Variants in NR2C1 observed in about 807,000 individuals in gnomAD.
NR2C1 encodes the protein nuclear receptor subfamily 2 group C member 1, also known as TR2 nuclear hormone receptor.
In NR2C1, 33 loss-of-function variants were observed where a neutral mutation model predicts 74.8. That is an observed-to-expected ratio of 0.44 (90% CI 0.33 to 0.59). The LOEUF (loss-of-function observed/expected upper bound fraction) is 0.59, where lower values mean the gene tolerates loss of function less well. Among genes scored for constraint, NR2C1 ranks in the 20% least tolerant of loss-of-function variants. NR2C1 has a pLI of 0.02. For synonymous variants in NR2C1, 225 were observed against 240.6 expected (o/e 0.94, Z 0.60); for missense variants, 568 against 715.6 (o/e 0.79, Z 2.35).
In NR2C1 at chr12:95,020,780, T is replaced by C. The variant is rs1372194278; in HGVS notation, c.*1449A>G. 2 of 152,352 alleles carry C rather than the reference T, an allele frequency of 1.3e-5. No homozygotes were observed. Among genetic ancestry groups the C allele is most frequent in the East Asian group, 3.9e-4 (2 of 5,194 alleles). 9.4% of individuals were successfully genotyped at this position (152,352 alleles called of 1,614,324 possible). A position where few individuals can be genotyped will look rare whatever the true frequency, so the allele number is the denominator to read the frequency against. On this transcript the variant is annotated 3_prime_UTR_variant, in exon 14 of 14. Coordinates refer to ENST00000333003, the MANE Select transcript of NR2C1 (RefSeq NM_003297.4). ...AAAGAAACAGTTATCAGTATCAGGTTTGCTAAAAGAATAAATTACTGTGGA... is the reference window on the plus strand; with the variant it reads ...AAAGAAACAGTTATCAGTATCAGGTCTGCTAAAAGAATAAATTACTGTGGA...
At chr12:95,065,098 G>A (rs1204129841) in intron 2 of NR2C1, among the ~76,000 whole-genome samples, 1 of 152,210 alleles carries the variant, frequency 6.6e-6, no homozygotes, top group African/African-American at 2.4e-5. Flanking sequence ...AATCCAAAGA[G>A]CCTTCAATAG....
intron 5 of NR2C1, 175 bp from the exon 6 acceptor site, chr12:95,058,053 T>C (rs1271875799): frequency 1.5e-5 from 11 of 715,508 alleles, no homozygotes; most frequent in Non-Finnish European, 2.4e-5. Flanking sequence ...TGCTTTAGAT[T>C]AGTAAAACAA....
chr12:95,063,302 G>C (rs985579790), intron 2 of NR2C1, among the ~76,000 whole-genome samples: 2 of 152,148 alleles, frequency 1.3e-5, no homozygotes, highest in African/African-American at 4.8e-5. Context: ...AGAGGAAACA[G>C]AGCATATAAG....
intron 1 of NR2C1, among the ~76,000 whole-genome samples, chr12:95,070,380 C>G (rs1876419728): frequency 6.6e-6 from 1 of 152,146 alleles, no homozygotes; most frequent in Non-Finnish European, 1.5e-5. Context: ...GATCCGCCCA[C>G]CTCAGCCTCA....
intron 10 of NR2C1, among the ~76,000 whole-genome samples, chr12:95,037,323 T>C (rs1379391347): frequency 6.6e-6 from 1 of 152,176 alleles, no homozygotes; most frequent in Non-Finnish European, 1.5e-5. Flanking sequence ...AAACTACAAA[T>C]CTTAAAACAG....
rs547565599 is a variant in NR2C1, at chr12:95,030,294, A to G, written c.1393+1055T>C. 119 of 368,094 alleles carry G rather than the reference A, an allele frequency of 3.2e-4. 1 individual carries two copies. The highest frequency in any genetic ancestry group is 1.4e-3 in the Admixed American group (30 of 21,138). The allele number at this position is 368,094 out of a possible 1,614,324, so 22.8% of individuals were successfully genotyped here. On this transcript the variant is annotated intron_variant, in intron 11 of 13. Transcript: ENST00000333003. ...TGGTAATAGGATTTTATTTAAGCTT[A>G]TATTGGTTGGGAAAAAATGAGCAAA...
At position 95,062,333 on chromosome 12, in the gene NR2C1, G is replaced by C. The variant is rs554906863; in HGVS notation, c.285+175C>G. Reference sequence around the variant, plus strand: ...AATCCCCAAAATATATGAGTGTGAGGAAAGTACAGTGGCCCATAGGAGAGG... The same window carrying C: ...AATCCCCAAAATATATGAGTGTGAGCAAAGTACAGTGGCCCATAGGAGAGG... On this transcript the variant is annotated intron_variant, in intron 3 of 13. Transcript: ENST00000333003. Among the ~76,000 whole-genome samples the C allele has an allele frequency of 6.8e-4, 103 of 152,292 alleles. 1 individual carries two copies. Among genetic ancestry groups the C allele is most frequent in the African/African-American group, 2.4e-3 (100 of 41,562 alleles).
chr12:95,030,118 T>G (rs536880613), intron 11 of NR2C1, among the ~76,000 whole-genome samples: 4 of 152,066 alleles, frequency 2.6e-5, no homozygotes, highest in Non-Finnish European at 5.9e-5. Flanking sequence ...TCAAGCAGTC[T>G]CACCTCAGCC....
intron 3 of NR2C1, among the ~76,000 whole-genome samples, chr12:95,060,420 G>A (rs541698902): frequency 6.6e-6 from 1 of 152,342 alleles, no homozygotes; most frequent in South Asian, 2.1e-4. Flanking sequence ...TTGGGAGGCT[G>A]AGGCGGGCAG....
chr12:95,060,049 T>C (rs916337590), intron 3 of NR2C1, 65 bp from the exon 4 acceptor site: 14 of 1,253,958 alleles, frequency 1.1e-5, no homozygotes, highest in African/African-American at 1.5e-5. Flanking sequence ...ACAGCACTCA[T>C]TCTATTAAAA....
intron 2 of NR2C1, among the ~76,000 whole-genome samples, chr12:95,064,219 T>C (rs1402701639): frequency 2.0e-5 from 3 of 147,180 alleles, no homozygotes; most frequent in African/African-American, 2.5e-5. Flanking sequence ...ATCCGAGCTA[T>C]GTGGGAGGCT....
At chr12:95,055,536 A>T (rs1332025829) in intron 7 of NR2C1, among the ~76,000 whole-genome samples, 3 of 152,274 alleles carry the variant, frequency 2.0e-5, no homozygotes, top group African/African-American at 7.2e-5. Flanking sequence ...AATGTTATAT[A>T]GCTAGTAAGT....
At chr12:95,036,812 A>G (rs1870905587) in intron 10 of NR2C1, among the ~76,000 whole-genome samples, 1 of 152,186 alleles carries the variant, frequency 6.6e-6, no homozygotes, top group Non-Finnish European at 1.5e-5. Flanking sequence ...GGCCTGGCCT[A>G]TATTGTTAAC....
chr12:95,072,616 T>A (rs1407533629), intron 1 of NR2C1: 1 of 152,200 alleles, frequency 6.6e-6, no homozygotes, highest in Non-Finnish European at 1.5e-5. Context: ...TTCCGGTTAC[T>A]TTTTTAAAGG....
In NR2C1 at chr12:95,022,044, A is replaced by T; in HGVS notation, c.*185T>A. 2.2e-6 allele frequency: 1 copy of T among 459,652 alleles called. No individual in the cohort carries two copies. The highest frequency in any genetic ancestry group is 3.8e-6 in the Non-Finnish European group (1 of 265,734). 28.5% of individuals were successfully genotyped at this position (459,652 alleles called of 1,614,324 possible). A position where few individuals can be genotyped will look rare whatever the true frequency, so the allele number is the denominator to read the frequency against. On this transcript the variant is annotated 3_prime_UTR_variant, in exon 14 of 14. Coordinates refer to ENST00000333003, the MANE Select transcript of NR2C1 (RefSeq NM_003297.4). ...TTAAAGGAATCAGGAAGAAAAATTC[A>T]TTTAATTTCTGCTGCCTGCCCAGTC...
In NR2C1 at chr12:95,057,298, T is replaced by A. The variant is rs556599737; in HGVS notation, c.783+255A>T. Among the ~76,000 whole-genome samples the A allele has an allele frequency of 2.6e-5, 4 of 151,520 alleles. No homozygotes were observed. The South Asian group carries it at 8.4e-4, about 32-fold the overall frequency. ...TTTTCCATTTTTACTGGAGACGGGG[T>A]TTCTCCATGTTGGTCAGGCTGGTCT... is the stretch of plus-strand genomic sequence containing the variant. On this transcript the variant is annotated intron_variant, in intron 7 of 13. Transcript: ENST00000333003.
intron 1 of NR2C1, among the ~76,000 whole-genome samples, chr12:95,071,068 G>T (rs1876523833): frequency 6.6e-6 from 1 of 152,160 alleles, no homozygotes; most frequent in African/African-American, 2.4e-5. Context: ...GGGTGTGGTG[G>T]ACGGCGCCTG....
rs1276197567 is a variant in NR2C1 at position 95,020,984 on chromosome 12, A to G, written c.*1245T>C. The G allele has an allele frequency of 6.6e-6, 1 of 152,202 alleles. No homozygotes were observed. The highest frequency in any genetic ancestry group is 1.5e-5 in the Non-Finnish European group (1 of 68,040). 9.4% of individuals were successfully genotyped at this position (152,202 alleles called of 1,614,324 possible). A position where few individuals can be genotyped will look rare whatever the true frequency, so the allele number is the denominator to read the frequency against. On this transcript the variant is annotated 3_prime_UTR_variant, in exon 14 of 14. Transcript: ENST00000333003. ...TAATGTTTAAACTTGCCTTGAGAAC[A>G]TGTACTGGCTATGATAAATCCATTA...
At chr12:95,055,560 T>TA (rs1730872200) in intron 7 of NR2C1, among the ~76,000 whole-genome samples, 1 of 152,238 alleles carries the variant, frequency 6.6e-6, no homozygotes, top group Non-Finnish European at 1.5e-5. Flanking sequence ...AGATGAAATT[T>TA]GATTTCCGAG....
Sources: gnomAD v4.1 joint callset for allele counts (sites outside exome capture counted in the v4.1 genomes callset) on GRCh38, gnomAD v4.1.1 for gene constraint, MANE v1.5 for transcripts, NCBI Gene and HGNC (gene_info 2026-07-23, HGNC 2026-07-21) for gene names.